The following CHSY3 variants were observed in gnomAD, a reference collection of about 807,000 sequenced individuals.
The protein encoded by CHSY3 is N-acetylgalactosaminyl-proteoglycan 3-beta-glucuronosyltransferase 3.
In CHSY3, 35 loss-of-function variants were observed where a neutral mutation model predicts 67.2. The observed-to-expected ratio is 0.52, with a 90% confidence interval of 0.40 to 0.69. The LOEUF is 0.69. CHSY3 is among the 30% of genes least tolerant of loss of function. The pLI, the probability that CHSY3 is intolerant of heterozygous loss-of-function variation, is 0.00. For missense variants in CHSY3, 1,069 were observed against 1,138.5 expected, an observed-to-expected ratio of 0.94 and a Z score of 0.88; for synonymous variants, 474 against 434.7, an observed-to-expected ratio of 1.09 and a Z score of -1.12.
chr5:130,160,028 T>C (rs1360838314), intron 2 of CHSY3, among the ~76,000 whole-genome samples: 1 of 152,170 alleles, frequency 6.6e-6, no homozygotes, highest in Non-Finnish European at 1.5e-5. Flanking sequence ...AAGCATATGT[T>C]ACTGGAGATA....
At chr5:130,134,256 A>G (rs1228429833) in intron 2 of CHSY3, among the ~76,000 whole-genome samples, 1 of 152,130 alleles carries the variant, frequency 6.6e-6, no homozygotes, top group Non-Finnish European at 1.5e-5. Flanking sequence ...TTTTTTGCAA[A>G]TGGTTGAACA....
rs370930016 is a variant in CHSY3 at position 130,041,182 on chromosome 5, C to G, written c.1086+132822C>G. ...AAAAAGTTACATGCCCCTTACCCACCCAATGACTGACTGATAATGGGATGT... is the reference window on the plus strand; with the variant it reads ...AAAAAGTTACATGCCCCTTACCCACGCAATGACTGACTGATAATGGGATGT... On this transcript the variant is annotated intron_variant, in intron 2 of 2. Coordinates refer to ENST00000305031, the MANE Select transcript of CHSY3 (RefSeq NM_175856.5). 1.2e-3 allele frequency among the ~76,000 whole-genome samples: 185 copies of G among 152,186 alleles called. 2 individuals are homozygous for G. Among genetic ancestry groups the G allele is most frequent in the African/African-American group, 4.3e-3 (179 of 41,538 alleles).
intron 2 of CHSY3, among the ~76,000 whole-genome samples, chr5:129,934,050 A>T (rs1761409597): frequency 6.6e-6 from 1 of 152,110 alleles, no homozygotes; most frequent in African/African-American, 2.4e-5. Flanking sequence ...ACTAGAGATG[A>T]TTTTAGATTT....
chr5:130,021,670 T>C (rs756208434), intron 2 of CHSY3, among the ~76,000 whole-genome samples: 12 of 152,100 alleles, frequency 7.9e-5, no homozygotes, highest in Admixed American at 3.9e-4. Flanking sequence ...TTTTAATGCT[T>C]TTTCTACTTT....
At chr5:129,969,561 C>G (rs1436763009) in intron 2 of CHSY3, among the ~76,000 whole-genome samples, 1 of 151,708 alleles carries the variant, frequency 6.6e-6, no homozygotes, top group Non-Finnish European at 1.5e-5. Flanking sequence ...GATCTCAAGC[C>G]TAAAAAGAAA....
At chr5:130,024,635 G>A (rs1180795907) in intron 2 of CHSY3, among the ~76,000 whole-genome samples, 1 of 152,034 alleles carries the variant, frequency 6.6e-6, no homozygotes, top group Non-Finnish European at 1.5e-5. Context: ...TGACAATATG[G>A]AGAGTTAATT....
chr5:130,083,619 G>T (rs1383242397), intron 2 of CHSY3, among the ~76,000 whole-genome samples: 1 of 151,968 alleles, frequency 6.6e-6, no homozygotes, highest in Non-Finnish European at 1.5e-5. Flanking sequence ...AAATAGAAAT[G>T]AATGTTTGAG....
intron 2 of CHSY3, among the ~76,000 whole-genome samples, chr5:130,170,562 A>C (rs1225272878): frequency 6.6e-6 from 1 of 152,086 alleles, no homozygotes; most frequent in Non-Finnish European, 1.5e-5. Flanking sequence ...TTTTAGTTCC[A>C]TACTGTTTTC....
intron 2 of CHSY3, among the ~76,000 whole-genome samples, chr5:130,029,065 A>G (rs1318841487): frequency 6.6e-6 from 1 of 151,868 alleles, no homozygotes; most frequent in African/African-American, 2.4e-5. Context: ...ATAGACTGTC[A>G]TCAGTGCCGG....
intron 2 of CHSY3, among the ~76,000 whole-genome samples, chr5:129,960,149 C>G (rs2149607033): frequency 6.6e-6 from 1 of 152,160 alleles, no homozygotes; most frequent in East Asian, 1.9e-4. Context: ...CTATCATGGT[C>G]CTGATGCTCT....
intron 2 of CHSY3, among the ~76,000 whole-genome samples, chr5:130,051,204 G>T (rs1460924682): frequency 6.6e-6 from 1 of 151,962 alleles, no homozygotes; most frequent in Non-Finnish European, 1.5e-5. Flanking sequence ...GTGCATGGAG[G>T]GAAACGTCAT....
At chr5:130,048,517 T>C (rs116524363) in intron 2 of CHSY3, among the ~76,000 whole-genome samples, 2,044 of 151,994 alleles carry the variant, frequency 0.013, 37 homozygotes, top group African/African-American at 0.047. Flanking sequence ...ATCTATGGAG[T>C]GCAGCTTGGA....
intron 2 of CHSY3, among the ~76,000 whole-genome samples, chr5:130,037,734 G>A (rs1391959988): frequency 6.6e-6 from 1 of 151,906 alleles, no homozygotes. Context: ...AAAATGAAAG[G>A]AAAGGGCAAT....
intron 2 of CHSY3, among the ~76,000 whole-genome samples, chr5:130,092,157 T>G (rs947632599): frequency 1.3e-5 from 2 of 152,148 alleles, no homozygotes; most frequent in Non-Finnish European, 2.9e-5. Flanking sequence ...AGCAGACAGC[T>G]CCAGGAGGCA....
At chr5:130,010,212 A>T (rs1764013813) in intron 2 of CHSY3, among the ~76,000 whole-genome samples, 1 of 152,182 alleles carries the variant, frequency 6.6e-6, no homozygotes, top group Admixed American at 6.5e-5. Flanking sequence ...ACATACACTA[A>T]GATCAACCAC....
rs191657638 is a variant in CHSY3 at position 130,158,903 on chromosome 5, C to T, written c.1087-25326C>T. Among the ~76,000 whole-genome samples, 14 of 151,806 alleles carry T rather than the reference C, an allele frequency of 9.2e-5. 1 individual carries two copies. In the East Asian group the frequency reaches 1.6e-3, roughly 17 times the overall value. On this transcript the variant is annotated intron_variant, in intron 2 of 2. Transcript: ENST00000305031. ...CAGCCTCGACCTCCTAGGGCTCAGG[C>T]GATCTTTTCACTTCAGCCTCCCAAG...
intron 1 of CHSY3, 155 bp downstream of exon 1, chr5:129,905,786 C>T: frequency 5.0e-6 from 7 of 1,406,930 alleles, no homozygotes; most frequent in East Asian, 5.0e-5. Flanking sequence ...CCCCTTGCAT[C>T]CGCCCACAAT....
At chr5:129,980,546 A>G (rs1762951532) in intron 2 of CHSY3, among the ~76,000 whole-genome samples, 1 of 152,032 alleles carries the variant, frequency 6.6e-6, no homozygotes, top group South Asian at 2.1e-4. Flanking sequence ...CTTTTCAAAT[A>G]TTTTCTCCCA....
chr5:130,001,976 A>G, intron 2 of CHSY3: 2 of 880,358 alleles, frequency 2.3e-6, no homozygotes, highest in Non-Finnish European at 2.7e-6. Flanking sequence ...ATTGGCTACA[A>G]TAAGCCAATG....
Sources: gnomAD v4.1 joint callset for allele counts (sites outside exome capture counted in the v4.1 genomes callset) on GRCh38, gnomAD v4.1.1 for gene constraint, MANE v1.5 for transcripts, NCBI Gene and HGNC (gene_info 2026-07-23, HGNC 2026-07-21) for gene names.